Variants in PLPP1 observed in about 807,000 individuals in gnomAD.
PLPP1 encodes the protein lipid phosphate phosphohydrolase 1a.
PLPP1 carries 24 observed loss-of-function variants against 31.2 expected under a neutral mutation model. The observed-to-expected ratio is 0.77, with a 90% CI of 0.56 to 1.08. The LOEUF is 1.08. Among genes scored for constraint, PLPP1 ranks in the 50% least tolerant of loss-of-function variants. PLPP1 has a pLI of 0.00. For synonymous variants in PLPP1, 146 were observed against 126.3 expected, an observed-to-expected ratio of 1.16 and a Z score of -1.05; for missense variants, 319 against 342.7, an observed-to-expected ratio of 0.93 and a Z score of 0.55.
At chr5:55,512,463 T>C (rs1225261922) in intron 1 of PLPP1, among the ~76,000 whole-genome samples, 1 of 30,512 alleles carries the variant, frequency 3.3e-5, no homozygotes, top group Non-Finnish European at 7.6e-5. Context: ...AGAGCAAGAC[T>C]GTCTCAAAAA....
rs980541441 is a variant in PLPP1 at position 55,490,849 on chromosome 5, A to G, written c.59-15399T>C. 8 of 1,195,730 alleles carry G rather than the reference A, an allele frequency of 6.7e-6. No individual in the cohort carries two copies. In the Admixed American group the frequency reaches 1.1e-4, roughly 17 times the overall value. The allele number at this position is 1,195,730 out of a possible 1,614,324, so 74.1% of individuals were successfully genotyped here. A position where few individuals can be genotyped will look rare whatever the true frequency, so the allele number is the denominator to read the frequency against. On this transcript the variant is annotated intron_variant, in intron 1 of 5. Transcript: ENST00000307259. ...TATATTCCTCAAGCAATCATTCACCATATCAACACTGGTGAAGACAGTACT... is the reference window on the plus strand; with the variant it reads ...TATATTCCTCAAGCAATCATTCACCGTATCAACACTGGTGAAGACAGTACT...
chr5:55,487,905 G>A (rs1314078479), intron 1 of PLPP1, among the ~76,000 whole-genome samples: 3 of 152,060 alleles, frequency 2.0e-5, no homozygotes, highest in Non-Finnish European at 4.4e-5. Flanking sequence ...GAGGCTGGTG[G>A]ATCACCTGAG....
At chr5:55,497,784 T>C (rs920147906) in intron 1 of PLPP1, among the ~76,000 whole-genome samples, 1 of 152,134 alleles carries the variant, frequency 6.6e-6, no homozygotes, top group Non-Finnish European at 1.5e-5. Context: ...CTGAAGCTGC[T>C]ATCATCTACA....
intron 1 of PLPP1, among the ~76,000 whole-genome samples, chr5:55,488,372 G>A (rs1752818398): frequency 6.6e-6 from 1 of 152,046 alleles, no homozygotes; most frequent in African/African-American, 2.4e-5. Context: ...TAGATTGGGT[G>A]TGGTGGCTCA....
At chr5:55,507,098 CT>C (rs1403785986) in intron 1 of PLPP1, among the ~76,000 whole-genome samples, 6 of 152,272 alleles carry the variant, frequency 3.9e-5, no homozygotes, top group Admixed American at 2.0e-4. Flanking sequence ...TTCTCTTCCC[CT>C]TCTTTACAAA....
intron 3 of PLPP1, among the ~76,000 whole-genome samples, chr5:55,445,734 AG>A (rs1421531018): frequency 6.6e-6 from 1 of 151,690 alleles, no homozygotes; most frequent in Non-Finnish European, 1.5e-5. Context: ...TAGTAGAGAC[AG>A]GGTTTCACCG....
intron 2 of PLPP1, among the ~76,000 whole-genome samples, chr5:55,470,114 A>G (rs1007729902): frequency 1.3e-5 from 2 of 152,280 alleles, no homozygotes; most frequent in Admixed American, 6.5e-5. Flanking sequence ...TCATTCCTTT[A>G]CAGTTTTGCT....
intron 1 of PLPP1, chr5:55,491,209 A>G (rs1752881780): frequency 1.5e-6 from 2 of 1,368,578 alleles, no homozygotes; most frequent in Admixed American, 2.4e-5. Flanking sequence ...TCCTAGCCAT[A>G]TTTTGCCCTC....
intron 5 of PLPP1, chr5:55,425,626 T>C: frequency 2.1e-6 from 1 of 465,204 alleles, no homozygotes; most frequent in Non-Finnish European, 3.6e-6. Context: ...AAAAACTATT[T>C]CTAGCCAGAG....
chr5:55,448,551 G>T (rs1222651002), intron 3 of PLPP1, among the ~76,000 whole-genome samples: 1 of 150,088 alleles, frequency 6.7e-6, no homozygotes, highest in Non-Finnish European at 1.5e-5. Flanking sequence ...GGGTTCAAGC[G>T]ATTCTCCTGC....
intron 3 of PLPP1, among the ~76,000 whole-genome samples, chr5:55,446,156 C>T (rs950118866): frequency 6.6e-6 from 1 of 152,234 alleles, no homozygotes; most frequent in African/African-American, 2.4e-5. Context: ...TGTAGAAGTC[C>T]TCAGCCACCT....
chr5:55,492,105 T>A (rs1752906848), intron 1 of PLPP1, among the ~76,000 whole-genome samples: 1 of 152,138 alleles, frequency 6.6e-6, no homozygotes, highest in South Asian at 2.1e-4. Flanking sequence ...AGTTAAATAA[T>A]TTAAATTAGT....
chr5:55,443,192 A>AAAAAATATATATAT, intron 3 of PLPP1, among the ~76,000 whole-genome samples: 24 of 25,416 alleles, frequency 9.4e-4, no homozygotes, highest in South Asian at 2.5e-3. Flanking sequence ...AAAAAAAAAA[A>AAAAAATATATATAT]ATATATATAT....
At chr5:55,439,663 T>G (rs763458080) in intron 4 of PLPP1, among the ~76,000 whole-genome samples, 9 of 152,210 alleles carry the variant, frequency 5.9e-5, no homozygotes, top group Admixed American at 2.0e-4. Flanking sequence ...GGCCCTCTAT[T>G]ATATCAATGT....
chr5:55,513,507 G>A (rs2111917589), intron 1 of PLPP1, among the ~76,000 whole-genome samples: 1 of 151,984 alleles, frequency 6.6e-6, no homozygotes, highest in East Asian at 1.9e-4. Context: ...CCTAACCCCA[G>A]GTGATCCGCC....
At chr5:55,458,530 A>T (rs1217752816) in intron 3 of PLPP1, among the ~76,000 whole-genome samples, 1 of 152,204 alleles carries the variant, frequency 6.6e-6, no homozygotes, top group African/African-American at 2.4e-5. Context: ...ACACTAAAAA[A>T]AAATTGTTTC....
rs192466263 is a variant in PLPP1 at position 55,442,425 on chromosome 5, G to A, written c.492-517C>T. ...TCCCAGCACTTCAGGAGGCCAAGGC[G>A]GGCGGATCACGAGGTCAGGAGATCG... is the stretch of plus-strand genomic sequence containing the variant. On this transcript the variant is annotated intron_variant, in intron 3 of 5. Transcript: ENST00000307259. Among the ~76,000 whole-genome samples, 252 of 152,188 alleles carry A rather than the reference G, an allele frequency of 1.7e-3. 3 individuals carry two copies. The Middle Eastern group carries it at 0.031, about 18-fold the overall frequency.
chr5:55,522,577 T>C (rs1753693807), intron 1 of PLPP1, among the ~76,000 whole-genome samples: 1 of 152,162 alleles, frequency 6.6e-6, no homozygotes, highest in Admixed American at 6.5e-5. Context: ...GTGCCTCTTT[T>C]AGACAGCAGA....
In PLPP1 at chr5:55,490,293, G is replaced by A. The variant is rs911317677; in HGVS notation, c.59-14843C>T. ...GGCCTCCCGAGTAGCTGGGATTACA[G>A]GCATGCGCCACCACGCCCGGCTAAT... On this transcript the variant is annotated intron_variant, in intron 1 of 5. Transcript: ENST00000307259. Among the ~76,000 whole-genome samples, 3 of 151,800 alleles carry A rather than the reference G, an allele frequency of 2.0e-5. No individual in the cohort carries two copies. In the South Asian group the frequency reaches 6.2e-4, roughly 32 times the overall value.
Sources: allele counts gnomAD v4.1 joint callset (sites outside exome capture counted in the v4.1 genomes callset), GRCh38; gene constraint gnomAD v4.1.1; transcripts MANE v1.5; gene names NCBI Gene and HGNC (gene_info 2026-07-23, HGNC 2026-07-21).